ABCA12: variants seen among roughly 807,000 people sequenced by gnomAD.
ABCA12 encodes the protein glucosylceramide transporter ABCA12.
A neutral mutation model predicts 293.5 loss-of-function variants in ABCA12; 156 were observed. That is an observed-to-expected ratio of 0.53 (90% CI 0.47 to 0.61). The LOEUF is 0.61. ABCA12 is among the 20% of genes least tolerant of loss of function. The pLI is 0.00. For synonymous variants in ABCA12, 1,063 were observed against 1,108.0 expected (o/e 0.96, Z 0.81); for missense variants, 2,797 against 3,090.2 (o/e 0.91, Z 2.25).
Position 214,970,297 on chromosome 2 carries a change from G to T in ABCA12, c.5666C>A (p.Thr1889Asn). The change falls in exon 37 of 53, where the codon ACT (threonine) becomes AAT (asparagine). Residue 1889 changes from threonine to asparagine, a missense_variant. Transcript: ENST00000272895. ...CCTTTTTTGGACAAACTCATTTGCA[G>T]TTGATATAAGATAATTTTCCACTCG... ...GQRVENYLISTANEFVQKRYG... is the reference protein window; with the variant it reads ...GQRVENYLISNANEFVQKRYG... 1 of 1,612,782 alleles carries T rather than the reference G, an allele frequency of 6.2e-7. No homozygotes were observed. Among genetic ancestry groups the T allele is most frequent in the Non-Finnish European group, 8.5e-7 (1 of 1,179,302 alleles).
Position 215,102,744 on chromosome 2 carries a change from A to G in ABCA12, c.163+8853T>C, listed in dbSNP as rs1575045533. On this transcript the variant is annotated intron_variant, in intron 2 of 52. Transcript: ENST00000272895. ...TCTTCCACATTCTATGTCCTCACTC[A>G]TGTAAGTTGCTTTCTGTAAGAAATG... 1.3e-5 allele frequency among the ~76,000 whole-genome samples: 2 copies of G among 152,254 alleles called. 1 individual carries two copies. Among genetic ancestry groups the G allele is most frequent in the South Asian group, 4.1e-4 (2 of 4,826 alleles).
At chr2:214,978,753 G>A in intron 32 of ABCA12, 51 bp downstream of exon 32, 1 of 1,570,404 alleles carries the variant, frequency 6.4e-7, no homozygotes, top group Non-Finnish European at 8.8e-7. Context: ...TCTTCAAAGG[G>A]AACAGCAAGT....
rs182682246 is a variant in ABCA12 at position 214,943,363 on chromosome 2, T to G, written c.7344-346A>C. ...TCTTGCCATGTTGCCCAGACCGTTC[T>G]TGAACTCCTGGGCTCAAGTGATCCT... On this transcript the variant is annotated intron_variant, in intron 49 of 52. Coordinates refer to ENST00000272895, the MANE Select transcript of ABCA12 (RefSeq NM_173076.3). Among the ~76,000 whole-genome samples the G allele has an allele frequency of 1.6e-3, 243 of 152,170 alleles. 3 individuals are homozygous for G. Among genetic ancestry groups the G allele is most frequent in the Non-Finnish European group, 5.7e-4 (39 of 68,004 alleles).
At chr2:215,064,294 C>G in intron 2 of ABCA12, 75 bp from the exon 3 acceptor site, 1 of 1,467,240 alleles carries the variant, frequency 6.8e-7, no homozygotes, top group Non-Finnish European at 9.2e-7. Flanking sequence ...AGTAACTCCA[C>G]TTTGTGAAGT....
Position 214,968,766 on chromosome 2 carries a change from A to T in ABCA12, c.5732T>A (p.Leu1911His). 6.2e-7 allele frequency: 1 copy of T among 1,613,398 alleles called. No homozygotes were observed. Among genetic ancestry groups the T allele is most frequent in the Non-Finnish European group, 8.5e-7 (1 of 1,179,410 alleles). The change falls in exon 38 of 53, where the codon CTT (leucine) becomes CAT (histidine). Residue 1911 changes from leucine to histidine, a missense_variant. By Grantham distance (99) the Leu-to-His change is moderately conservative. Around this residue, in one of 3 missense-constraint regions of ABCA12, gnomAD observed 2,130 missense variants for 2,427.0 expected, o/e 0.88. Transcript: ENST00000272895. ...AGGGACTCCTGTTATATCAAAACGA[A>T]GGTCTTTTGTCAAAGGCAGCCCAAA... ...WSFGLPLTKD[L>H]RFDITGVPAN...
At chr2:214,962,228 T>C (rs1699133906) in intron 39 of ABCA12, 1 of 152,210 alleles carries the variant, frequency 6.6e-6, no homozygotes, top group Non-Finnish European at 1.5e-5. Flanking sequence ...TTAAAAACTA[T>C]GTGAAAGCCT....
intron 3 of ABCA12, among the ~76,000 whole-genome samples, chr2:215,055,248 C>T (rs1220317354): frequency 6.6e-6 from 1 of 151,990 alleles, no homozygotes; most frequent in African/African-American, 2.4e-5. Context: ...TTTTCCATTG[C>T]ATTGAATGTG....
chr2:215,014,968 A>T (rs1196435548), intron 15 of ABCA12, among the ~76,000 whole-genome samples: 1 of 152,192 alleles, frequency 6.6e-6, no homozygotes, highest in South Asian at 2.1e-4. Flanking sequence ...GATGAAGTCA[A>T]TGCTGACTTT....
intron 33 of ABCA12, among the ~76,000 whole-genome samples, chr2:214,977,193 A>G (rs1699536641): frequency 1.3e-5 from 2 of 152,350 alleles, no homozygotes; most frequent in South Asian, 4.1e-4. Context: ...AGGTGTATCA[A>G]ATGAAATAAA....
intron 20 of ABCA12, among the ~76,000 whole-genome samples, chr2:215,003,414 A>T (rs181325322): frequency 2.1e-4 from 32 of 152,172 alleles, no homozygotes; most frequent in Admixed American, 9.8e-4. Context: ...TTTTCTTTTG[A>T]GTCTCCCCAT....
chr2:215,055,279 T>C (rs551126712), intron 3 of ABCA12, among the ~76,000 whole-genome samples: 2 of 152,190 alleles, frequency 1.3e-5, no homozygotes, highest in Admixed American at 6.6e-5. Flanking sequence ...AATAATTACA[T>C]TGTGGTGCCA....
intron 44 of ABCA12, among the ~76,000 whole-genome samples, chr2:214,951,381 G>A (rs1698764696): frequency 6.6e-6 from 1 of 152,110 alleles, no homozygotes; most frequent in Non-Finnish European, 1.5e-5. Flanking sequence ...ATGTTTGAAG[G>A]TTAGTTCCTA....
chr2:215,103,306 G>A lies in ABCA12; in HGVS notation c.163+8291C>T, dbSNP rs991214642. Among the ~76,000 whole-genome samples the A allele has an allele frequency of 3.0e-4, 25 of 83,156 alleles. No homozygotes were observed. In the East Asian group the frequency reaches 9.4e-3, roughly 31 times the overall value. 54.6% of individuals were successfully genotyped at this position (83,156 alleles called of 152,430 possible). A position where few individuals can be genotyped will look rare whatever the true frequency, so the allele number is the denominator to read the frequency against. Reference sequence around the variant, plus strand: ...TTTTTTGAGACAGAGTTTCACTCTTGTTGCCCAGCTGGAGTGCAATGGTGT... The same window carrying A: ...TTTTTTGAGACAGAGTTTCACTCTTATTGCCCAGCTGGAGTGCAATGGTGT... On this transcript the variant is annotated intron_variant, in intron 2 of 52. Transcript: ENST00000272895.
intron 3 of ABCA12, among the ~76,000 whole-genome samples, chr2:215,062,124 G>A (rs561491557): frequency 6.6e-6 from 1 of 151,886 alleles, no homozygotes; most frequent in Non-Finnish European, 1.5e-5. Context: ...AAGTATAGAG[G>A]GTGTCTTGCT....
Position 215,019,688 on chromosome 2 carries a change from C to T in ABCA12, c.1396G>A (p.Glu466Lys), listed in dbSNP as rs776834147. 2.2e-5 allele frequency: 36 copies of T among 1,614,066 alleles called. No individual in the cohort carries two copies. Among genetic ancestry groups the T allele is most frequent in the Non-Finnish European group, 1.5e-5 (18 of 1,180,034 alleles). Residue 466 changes from glutamate to lysine, a missense_variant, in exon 12 of 53, where the codon GAA (glutamate) becomes AAA (lysine). By Grantham distance (56) the Glu-to-Lys change is moderately conservative. Transcript: ENST00000272895. ...SDMSFGSLCEESEFDLQLLEA... is the reference protein window; with the variant it reads ...SDMSFGSLCEKSEFDLQLLEA... Reference sequence around the variant, plus strand: ...AGGAGTTGCAGATCAAACTCACTTTCTTCACACAGGCTCCCAAAGCTCATA... The same window carrying T: ...AGGAGTTGCAGATCAAACTCACTTTTTTCACACAGGCTCCCAAAGCTCATA...
At chr2:215,134,652 G>GAGACAAAC (rs1703171717) in intron 1 of ABCA12, among the ~76,000 whole-genome samples, 5 of 101,560 alleles carry the variant, frequency 4.9e-5, no homozygotes, top group African/African-American at 2.2e-4. Flanking sequence ...CAAACAGAGA[G>GAGACAAAC]AGAGAGAGAG....
chr2:215,014,714 G>C (rs114767007), intron 15 of ABCA12, among the ~76,000 whole-genome samples: 2,121 of 152,264 alleles, frequency 0.014, 29 homozygotes, highest in Middle Eastern at 0.02. Context: ...ACTCAGAGCA[G>C]AATTATTTAT....
Position 214,975,876 on chromosome 2 carries a change from G to A in ABCA12, c.5290C>T (p.Leu1764Phe), listed in dbSNP as rs1234737377. ...PIVFVTTAMG[L>F]GTLRNSSNSY... is the part of the protein sequence containing the mutation. ...TTGCTGGAATTTCTCAGTGTGCCAA[G>A]GCCCATGGCAGTGGTAACAAAGACG... The change falls in exon 34 of 53, where the codon CTT (leucine) becomes TTT (phenylalanine). Residue 1764 changes from leucine to phenylalanine, a missense_variant. By Grantham distance (22) the Leu-to-Phe change is conservative (BLOSUM62 0). Transcript: ENST00000272895. 3 of 1,614,012 alleles carry A rather than the reference G, an allele frequency of 1.9e-6. No homozygotes were observed. Among genetic ancestry groups the A allele is most frequent in the Non-Finnish European group, 2.5e-6 (3 of 1,180,012 alleles).
At chr2:215,034,519 C>T (rs750123769) in intron 8 of ABCA12, among the ~76,000 whole-genome samples, 1 of 152,168 alleles carries the variant, frequency 6.6e-6, no homozygotes, top group Non-Finnish European at 1.5e-5. Context: ...AGTGTGGGCT[C>T]TTCTGAGGTT....
Sources: allele counts gnomAD v4.1 joint callset (sites outside exome capture counted in the v4.1 genomes callset), GRCh38; gene constraint gnomAD v4.1.1; regional missense constraint gnomAD v4.1.1; transcripts MANE v1.5; gene names NCBI Gene and HGNC (gene_info 2026-07-23, HGNC 2026-07-21).